TMTC2: variants seen among roughly 807,000 people sequenced by gnomAD.
TMTC2 encodes protein O-mannosyl-transferase TMTC2.
A neutral mutation model predicts 82.4 loss-of-function variants in TMTC2; 43 were observed. That is an observed-to-expected ratio of 0.52 (90% CI 0.41 to 0.67). The LOEUF (loss-of-function observed/expected upper bound fraction) is 0.67. Among genes scored for constraint, TMTC2 ranks in the 30% least tolerant of loss-of-function variants. The pLI is 0.00. For synonymous variants in TMTC2, 408 were observed against 381.9 expected (o/e 1.07, Z -0.80); for missense variants, 919 against 1,012.4 (o/e 0.91, Z 1.25).
intron 11 of TMTC2, among the ~76,000 whole-genome samples, chr12:83,081,633 A>G (rs745955174): frequency 1.3e-5 from 2 of 152,256 alleles, no homozygotes; most frequent in Non-Finnish European, 2.9e-5. Flanking sequence ...CAAATCTGGT[A>G]CAAAATGTTT....
At chr12:83,046,091 A>G (rs887312115) in intron 9 of TMTC2, among the ~76,000 whole-genome samples, 1 of 152,096 alleles carries the variant, frequency 6.6e-6, no homozygotes, top group African/African-American at 2.4e-5. Flanking sequence ...CTTCTGCTCT[A>G]AAACATGCCT....
At chr12:82,731,183 G>A (rs1874791211) in intron 1 of TMTC2, among the ~76,000 whole-genome samples, 1 of 152,180 alleles carries the variant, frequency 6.6e-6, no homozygotes, top group South Asian at 2.1e-4. Flanking sequence ...AGTCTGCAAA[G>A]CATACCACTT....
chr12:83,085,413 C>T (rs1883619131), intron 11 of TMTC2, among the ~76,000 whole-genome samples: 1 of 152,138 alleles, frequency 6.6e-6, no homozygotes, highest in African/African-American at 2.4e-5. Flanking sequence ...CATCATGCTA[C>T]AAACCATTTT....
At chr12:82,923,332 A>G (rs1875504064) in intron 3 of TMTC2, among the ~76,000 whole-genome samples, 1 of 151,846 alleles carries the variant, frequency 6.6e-6, no homozygotes, top group African/African-American at 2.4e-5. Flanking sequence ...TTTTTCCTCT[A>G]TTGGATTTCT....
intron 11 of TMTC2, among the ~76,000 whole-genome samples, chr12:83,127,468 G>A (rs2137569812): frequency 6.6e-6 from 1 of 151,846 alleles, no homozygotes; most frequent in South Asian, 2.1e-4. Flanking sequence ...ACTACTGCAG[G>A]GGTATCCAAC....
intron 1 of TMTC2, among the ~76,000 whole-genome samples, chr12:82,742,359 TAA>T (rs11454243): frequency 6.7e-6 from 1 of 148,340 alleles, no homozygotes; most frequent in Non-Finnish European, 1.5e-5. Flanking sequence ...TGAAGAAGTT[TAA>T]AAAAAAAAAA....
intron 4 of TMTC2, among the ~76,000 whole-genome samples, chr12:82,939,277 C>T (rs1395874565): frequency 6.6e-6 from 1 of 151,994 alleles, no homozygotes; most frequent in Non-Finnish European, 1.5e-5. Context: ...TATGTGTAAG[C>T]ACACAAACCT....
intron 8 of TMTC2, among the ~76,000 whole-genome samples, chr12:83,027,433 A>C (rs919183399): frequency 5.3e-5 from 8 of 152,176 alleles, no homozygotes; most frequent in Non-Finnish European, 1.0e-4. Context: ...GGATGCTGCA[A>C]CTTTAACAAA....
intron 8 of TMTC2, among the ~76,000 whole-genome samples, chr12:83,025,909 G>T (rs1299572289): frequency 1.3e-5 from 2 of 152,184 alleles, no homozygotes; most frequent in Non-Finnish European, 2.9e-5. Flanking sequence ...AGGAACTTCT[G>T]CCCTGCTGGA....
chr12:82,966,888 A>C (rs1437069671), intron 6 of TMTC2, 31 bp from the exon 7 acceptor site: 1 of 1,497,948 alleles, frequency 6.7e-7, no homozygotes, highest in Non-Finnish European at 9.2e-7. Flanking sequence ...TTTATTGATG[A>C]TTTATCTATT....
intron 1 of TMTC2, among the ~76,000 whole-genome samples, chr12:82,755,894 A>G (rs1237582080): frequency 6.6e-6 from 1 of 152,188 alleles, no homozygotes; most frequent in Non-Finnish European, 1.5e-5. Context: ...TTATCATAAT[A>G]AAAATAGAAA....
At chr12:83,013,962 A>T (rs1880565930) in intron 8 of TMTC2, among the ~76,000 whole-genome samples, 1 of 152,206 alleles carries the variant, frequency 6.6e-6, no homozygotes, top group Admixed American at 6.5e-5. Context: ...AAAAAGCCCT[A>T]CATTCTTCTA....
chr12:82,834,740 A>T (rs894179225), intron 1 of TMTC2, among the ~76,000 whole-genome samples: 1 of 152,210 alleles, frequency 6.6e-6, no homozygotes, highest in Non-Finnish European at 1.5e-5. Flanking sequence ...ACAGTTCCCT[A>T]ATCTTGGATG....
rs1878239627 is a variant in TMTC2, at chr12:82,966,949, C to A, written c.1900C>A (p.Gln634Lys). 1 of 1,613,064 alleles carries A rather than the reference C, an allele frequency of 6.2e-7. No homozygotes were observed. The highest frequency in any genetic ancestry group is 1.3e-5 in the African/African-American group (1 of 74,952). The change falls in exon 7 of 12, where the codon CAG (glutamine) becomes AAG (lysine). Residue 634 changes from glutamine to lysine, a missense_variant. Gln to Lys is a moderately conservative substitution (Grantham distance 53). Transcript: ENST00000321196. The part of the protein sequence containing the change: ...EALSVYKEAI[Q>K]KMPRQFAPQS... The stretch of plus-strand genomic sequence containing the variant: ...CCTTAGTGTATACAAGGAAGCAATT[C>A]AGAAAATGCCAAGGCAGTTTGCCCC...
intron 9 of TMTC2, among the ~76,000 whole-genome samples, chr12:83,044,716 A>G (rs994703724): frequency 6.6e-6 from 1 of 152,244 alleles, no homozygotes; most frequent in Non-Finnish European, 1.5e-5. Context: ...GTTTTATAAA[A>G]AAGATTTTTA....
At chr12:82,796,452 G>A (rs913740436) in intron 1 of TMTC2, among the ~76,000 whole-genome samples, 3 of 152,042 alleles carry the variant, frequency 2.0e-5, no homozygotes, top group Non-Finnish European at 4.4e-5. Flanking sequence ...AAACAAATGA[G>A]TAATTATTTA....
intron 11 of TMTC2, among the ~76,000 whole-genome samples, chr12:83,117,895 A>ATTTT (rs1318795517): frequency 7.3e-6 from 1 of 136,274 alleles, no homozygotes; most frequent in Non-Finnish European, 1.6e-5. Context: ...ATTCCTAAGT[A>ATTTT]TTTTATTTAT....
chr12:82,731,500 C>T (rs1022476111), intron 1 of TMTC2, among the ~76,000 whole-genome samples: 1 of 152,034 alleles, frequency 6.6e-6, no homozygotes, highest in Non-Finnish European at 1.5e-5. Flanking sequence ...AATTTTAGAC[C>T]AGTGGGAATT....
intron 1 of TMTC2, among the ~76,000 whole-genome samples, chr12:82,694,933 A>G (rs1007842189): frequency 5.3e-5 from 8 of 152,168 alleles, no homozygotes; most frequent in African/African-American, 1.9e-4. Context: ...CCTTTTTCCT[A>G]ATTGTGATTC....
Sources: allele counts gnomAD v4.1 joint callset (sites outside exome capture counted in the v4.1 genomes callset), GRCh38; gene constraint gnomAD v4.1.1; transcripts MANE v1.5; gene names NCBI Gene and HGNC (gene_info 2026-07-23, HGNC 2026-07-21).